The following R3HDM1 variants were observed in gnomAD, a reference collection of about 807,000 sequenced individuals.
The protein encoded by R3HDM1 is R3H domain containing 1, also known as R3H domain-containing protein 1.
Under a neutral mutation model 141.1 loss-of-function variants are expected in R3HDM1, and 46 were observed. The observed-to-expected ratio is 0.33, with a 90% confidence interval of 0.26 to 0.42. The LOEUF (loss-of-function observed/expected upper bound fraction) is 0.42. Ranked by LOEUF, R3HDM1 falls within the 10% of genes least tolerant of loss-of-function variation. The pLI is 1.00. For synonymous variants in R3HDM1, 435 were observed against 472.9 expected, an observed-to-expected ratio of 0.92 and a Z score of 1.04; for missense variants, 1,184 against 1,368.3, an observed-to-expected ratio of 0.87 and a Z score of 2.12.
chr2:135,613,848 G>A (rs1049902468), intron 3 of R3HDM1, among the ~76,000 whole-genome samples: 1 of 152,126 alleles, frequency 6.6e-6, no homozygotes, highest in African/African-American at 2.4e-5. Flanking sequence ...TTTCTTAGCA[G>A]TACCTTGATT....
At chr2:135,646,118 A>G (rs2064370247) in intron 16 of R3HDM1, among the ~76,000 whole-genome samples, 2 of 150,120 alleles carry the variant, frequency 1.3e-5, no homozygotes, top group African/African-American at 4.9e-5. Context: ...ACCAGTATGA[A>G]CTCCTATTTT....
intron 21 of R3HDM1, among the ~76,000 whole-genome samples, chr2:135,701,676 G>C (rs2074227528): frequency 6.6e-6 from 1 of 152,154 alleles, no homozygotes; most frequent in South Asian, 2.1e-4. Context: ...AGGCAGCATG[G>C]ATATGCTGGG....
At chr2:135,719,224 G>A (rs959452377) in intron 24 of R3HDM1, among the ~76,000 whole-genome samples, 4 of 151,908 alleles carry the variant, frequency 2.6e-5, no homozygotes, top group Non-Finnish European at 5.9e-5. Flanking sequence ...AACAGTATGC[G>A]TCATACAGTC....
At position 135,577,958 on chromosome 2, in the gene R3HDM1, G is replaced by C. The variant is rs575027713; in HGVS notation, c.-249-24542G>C. ...TGCAAGGCACCTTCAGATACTGCTGGTAAAAATACACACTAGCATAGCTCT... is the reference window on the plus strand; with the variant it reads ...TGCAAGGCACCTTCAGATACTGCTGCTAAAAATACACACTAGCATAGCTCT... On this transcript the variant is annotated intron_variant, in intron 1 of 26. Transcript: ENST00000683871. Among the ~76,000 whole-genome samples, 11 of 152,194 alleles carry C rather than the reference G, an allele frequency of 7.2e-5. No homozygotes were observed. The East Asian group carries it at 1.9e-3, about 27-fold the overall frequency.
At chr2:135,544,408 A>C (rs1031530584) in intron 1 of R3HDM1, among the ~76,000 whole-genome samples, 2 of 152,246 alleles carry the variant, frequency 1.3e-5, no homozygotes, top group African/African-American at 4.8e-5. Context: ...TAGTAGTCTC[A>C]ACATGAAAAC....
chr2:135,571,419 C>T (rs1000359438), intron 1 of R3HDM1, among the ~76,000 whole-genome samples: 5 of 149,218 alleles, frequency 3.4e-5, no homozygotes, highest in East Asian at 2.0e-4. Flanking sequence ...TCCACCTCCC[C>T]GGTTCAAGCA....
At chr2:135,627,952 G>A (rs2105202265) in intron 7 of R3HDM1, among the ~76,000 whole-genome samples, 1 of 152,196 alleles carries the variant, frequency 6.6e-6, no homozygotes, top group South Asian at 2.1e-4. Flanking sequence ...GTAACTAAAA[G>A]ATTGTTAGCC....
chr2:135,564,437 A>G (rs2104970703), intron 1 of R3HDM1, among the ~76,000 whole-genome samples: 1 of 152,312 alleles, frequency 6.6e-6, no homozygotes, highest in South Asian at 2.1e-4. Context: ...CTCCTGCCTC[A>G]GCCTCCCAAG....
chr2:135,595,233 T>C (rs1243399903), intron 1 of R3HDM1, among the ~76,000 whole-genome samples: 2 of 152,176 alleles, frequency 1.3e-5, no homozygotes, highest in Non-Finnish European at 2.9e-5. Context: ...ATATTTCCTA[T>C]ATTTAGTGGT....
intron 19 of R3HDM1, chr2:135,669,386 A>G (rs781652061): frequency 9.9e-5 from 98 of 984,978 alleles, no homozygotes; most frequent in Non-Finnish European, 1.1e-4. Context: ...TATACTCACC[A>G]ATAAATCTTT....
At chr2:135,633,203 C>A (rs2062891854) in intron 9 of R3HDM1, among the ~76,000 whole-genome samples, 1 of 152,036 alleles carries the variant, frequency 6.6e-6, no homozygotes, top group Admixed American at 6.6e-5. Context: ...CTTTAATATT[C>A]TTTTCAGTTA....
intron 19 of R3HDM1, 77 bp downstream of exon 19, chr2:135,661,470 A>G (rs2066699378): frequency 1.3e-6 from 2 of 1,524,200 alleles, no homozygotes; most frequent in Non-Finnish European, 1.8e-6. Flanking sequence ...CTCTTAAGAT[A>G]GTACCTACTC....
intron 21 of R3HDM1, among the ~76,000 whole-genome samples, chr2:135,688,376 A>G (rs1239947548): frequency 6.6e-6 from 1 of 152,226 alleles, no homozygotes; most frequent in African/African-American, 2.4e-5. Context: ...AAGTCCTAAA[A>G]TAACATCCGA....
intron 1 of R3HDM1, among the ~76,000 whole-genome samples, chr2:135,573,660 TAAG>T (rs1474161008): frequency 6.6e-6 from 1 of 151,576 alleles, no homozygotes; most frequent in Non-Finnish European, 1.5e-5. Context: ...AGAAGGTACA[TAAG>T]AAGAGGAGAA....
At chr2:135,596,916 A>G in intron 1 of R3HDM1, 1 of 680,430 alleles carries the variant, frequency 1.5e-6, no homozygotes, top group South Asian at 6.6e-5. Flanking sequence ...TCTACACCAG[A>G]AGTGGAAATG....
At chr2:135,591,855 G>A (rs1709353249) in intron 1 of R3HDM1, among the ~76,000 whole-genome samples, 1 of 152,188 alleles carries the variant, frequency 6.6e-6, no homozygotes, top group South Asian at 2.1e-4. Context: ...AAGACACACA[G>A]GGTAAGGTCT....
intron 1 of R3HDM1, among the ~76,000 whole-genome samples, chr2:135,573,995 A>G (rs1704764268): frequency 6.6e-6 from 1 of 152,206 alleles, no homozygotes; most frequent in South Asian, 2.1e-4. Flanking sequence ...CCTAAAGAGC[A>G]TACCCAGAAG....
intron 19 of R3HDM1, among the ~76,000 whole-genome samples, chr2:135,663,446 T>A (rs1395463566): frequency 8.1e-4 from 123 of 152,350 alleles, no homozygotes; most frequent in African/African-American, 2.7e-3. Context: ...CTGTTTTATA[T>A]AGTATCCTCT....
At chr2:135,661,155 T>C in intron 18 of R3HDM1, 115 bp from the exon 19 acceptor site, 1 of 1,279,596 alleles carries the variant, frequency 7.8e-7, no homozygotes, top group South Asian at 1.8e-5. Flanking sequence ...AAAATCAGTT[T>C]TCCAATGATT....
Sources: gnomAD v4.1 joint callset for allele counts (sites outside exome capture counted in the v4.1 genomes callset) on GRCh38, gnomAD v4.1.1 for gene constraint, MANE v1.5 for transcripts, NCBI Gene and HGNC (gene_info 2026-07-23, HGNC 2026-07-21) for gene names.